The following MED19 variants were observed in gnomAD, a reference collection of about 807,000 sequenced individuals.
The protein encoded by MED19 is mediator of RNA polymerase II transcription subunit 19.
In MED19, 4 loss-of-function variants were observed where a neutral mutation model predicts 19.9. The observed-to-expected ratio is 0.20, with a 90% CI of 0.10 to 0.46. The LOEUF (loss-of-function observed/expected upper bound fraction) is 0.46. Among genes scored for constraint, MED19 ranks in the 20% least tolerant of loss-of-function variants. MED19 has a pLI of 0.99. For missense variants in MED19, 303 were observed against 318.7 expected (o/e 0.95, Z 0.38); for synonymous variants, 139 against 119.6 (o/e 1.16, Z -1.06).
intron 3 of MED19, 40 bp downstream of exon 3, chr11:57,704,679 T>C (rs370487152): frequency 1.3e-6 from 2 of 1,554,250 alleles, no homozygotes; most frequent in Admixed American, 4.1e-5. Context: ...GTTTTTTTTT[T>C]TTTTTTTTTT....
intron 1 of MED19, among the ~76,000 whole-genome samples, chr11:57,711,039 G>A (rs547445802): frequency 1.3e-5 from 2 of 152,228 alleles, no homozygotes; most frequent in South Asian, 4.1e-4. Context: ...ACCACTTTCT[G>A]ACATTATCTT....
chr11:57,710,259 G>A (rs1450746066), intron 1 of MED19, among the ~76,000 whole-genome samples: 4 of 152,196 alleles, frequency 2.6e-5, no homozygotes, highest in Admixed American at 2.0e-4. Context: ...CTACTTGGAA[G>A]GCTGAGGTGG....
chr11:57,704,692 T>TGG, intron 3 of MED19, 27 bp downstream of exon 3: 2 of 1,580,386 alleles, frequency 1.3e-6, no homozygotes, highest in Non-Finnish European at 1.7e-6. Flanking sequence ...TTTTTTTTTT[T>TGG]TTGCTTTGAA....
At position 57,712,194 on chromosome 11, in the gene MED19, C is replaced by T. The variant is rs542100072; in HGVS notation, c.-15G>A. ...AAATTCTCCATCGTACCCTCCGCCC[C>T]GGCGCTGTCTCCGTGTCTGCCGTTG... On this transcript the variant is annotated 5_prime_UTR_variant, in exon 1 of 5. Coordinates refer to ENST00000431606, the Ensembl canonical transcript of MED19. 1.6e-5 allele frequency: 24 copies of T among 1,508,810 alleles called. No homozygotes were observed. In the African/African-American group the frequency reaches 2.6e-4, roughly 16 times the overall value. The allele number at this position is 1,508,810 out of a possible 1,614,324, so 93.5% of individuals were successfully genotyped here.
chr11:57,707,082 C>T (rs1946517128), intron 1 of MED19, among the ~76,000 whole-genome samples: 1 of 151,606 alleles, frequency 6.6e-6, no homozygotes, highest in South Asian at 2.1e-4. Context: ...CCTGTAGTCA[C>T]AGCTACTTGG....
intron 1 of MED19, 138 bp from the exon 2 acceptor site, chr11:57,705,367 G>A (rs1471574191): frequency 2.8e-6 from 3 of 1,056,050 alleles, no homozygotes; most frequent in Admixed American, 2.9e-5. Flanking sequence ...AAGAAACAGA[G>A]CAGGCCGGAT....
chr11:57,709,504 C>G (rs1016882941), intron 1 of MED19, among the ~76,000 whole-genome samples: 4 of 152,136 alleles, frequency 2.6e-5, no homozygotes, highest in Non-Finnish European at 4.4e-5. Flanking sequence ...CCCAATTATT[C>G]AAGCCGAAAA....
intron 1 of MED19, among the ~76,000 whole-genome samples, chr11:57,709,418 A>G (rs1590881109): frequency 2.0e-5 from 3 of 151,866 alleles, no homozygotes; most frequent in East Asian, 1.9e-4. Flanking sequence ...GAGACCAAAC[A>G]TGTCCAAAAT....
At chr11:57,709,257 T>A (rs559654062) in intron 1 of MED19, among the ~76,000 whole-genome samples, 1 of 152,032 alleles carries the variant, frequency 6.6e-6, no homozygotes, top group East Asian at 1.9e-4. Context: ...GGCACATGCC[T>A]GTAATCCGAA....
At chr11:57,706,753 AAAC>A (rs1373484591) in intron 1 of MED19, among the ~76,000 whole-genome samples, 1 of 152,144 alleles carries the variant, frequency 6.6e-6, no homozygotes, top group Non-Finnish European at 1.5e-5. Context: ...AAACAAAACA[AAAC>A]AACAAAAACA....
intron 1 of MED19, among the ~76,000 whole-genome samples, chr11:57,711,544 G>C (rs1946606469): frequency 6.6e-6 from 1 of 152,206 alleles, no homozygotes; most frequent in East Asian, 1.9e-4. Context: ...TGTGGAGACA[G>C]GGTTTCATCA....
chr11:57,707,880 T>C (rs1946526202), intron 1 of MED19, among the ~76,000 whole-genome samples: 1 of 152,242 alleles, frequency 6.6e-6, no homozygotes, highest in African/African-American at 2.4e-5. Context: ...TCACCCAGGC[T>C]GGAGTGTAAT....
chr11:57,712,126 T>G, exon 1 of MED19: 1 of 1,529,562 alleles, frequency 6.5e-7, no homozygotes, highest in East Asian at 2.5e-5. Context: ...CGAGTGCGGT[T>G]GGGGGCGGTG....
chr11:57,705,632 C>T (rs1368761394), intron 1 of MED19, among the ~76,000 whole-genome samples: 6 of 128,268 alleles, frequency 4.7e-5, no homozygotes, highest in Admixed American at 8.6e-5. Flanking sequence ...CCAGCCTGGA[C>T]AACAGCGAGA....
intron 1 of MED19, among the ~76,000 whole-genome samples, chr11:57,705,525 G>A (rs1038832688): frequency 1.3e-5 from 2 of 152,018 alleles, no homozygotes; most frequent in South Asian, 2.1e-4. Flanking sequence ...GTGGTAGCAC[G>A]TGCCTGTAGT....
intron 1 of MED19, among the ~76,000 whole-genome samples, chr11:57,706,834 G>A (rs1946513933): frequency 1.3e-5 from 2 of 152,174 alleles, no homozygotes; most frequent in African/African-American, 2.4e-5. Context: ...CTTATCTGTG[G>A]AATGGAATAA....
At chr11:57,711,850 C>T (rs1470025320) in intron 1 of MED19, 113 bp downstream of exon 1, 10 of 1,193,678 alleles carry the variant, frequency 8.4e-6, no homozygotes, top group Non-Finnish European at 1.1e-5. Context: ...GCTCCACAGT[C>T]CGGGTATGCG....
intron 1 of MED19, among the ~76,000 whole-genome samples, chr11:57,707,216 GTAT>G (rs1197499546): frequency 2.0e-5 from 3 of 148,594 alleles, no homozygotes; most frequent in Admixed American, 6.7e-5. Context: ...AAAAAAAAAA[GTAT>G]TATATGTATG....
rs1276058301 is a variant in MED19, at chr11:57,712,134, G to T, written c.46C>A (p.Pro16Thr). The T allele has an allele frequency of 4.6e-6, 7 of 1,531,184 alleles. No individual in the cohort carries two copies. The East Asian group carries it at 1.3e-4, about 28-fold the overall frequency. 94.8% of individuals were successfully genotyped at this position (1,531,184 alleles called of 1,614,324 possible). A position where few individuals can be genotyped will look rare whatever the true frequency, so the allele number is the denominator to read the frequency against. Reference sequence around the variant, plus strand: ...CCGAAGCCGAGTGCGGTTGGGGGCGGTGGTGGGTCAGCCTGAGCCCCAAAC... The same window carrying T: ...CCGAAGCCGAGTGCGGTTGGGGGCGTTGGTGGGTCAGCCTGAGCCCCAAAC... The change falls in exon 1 of 5, where the codon CCG becomes ACG. Residue 16 changes from proline (P) to threonine (T), a missense_variant. By Grantham distance (38) the Pro-to-Thr change is conservative. Transcript: ENST00000431606.
Sources: gnomAD v4.1 joint callset for allele counts (sites outside exome capture counted in the v4.1 genomes callset) on GRCh38, gnomAD v4.1.1 for gene constraint, MANE v1.5 for transcripts, NCBI Gene and HGNC (gene_info 2026-07-23, HGNC 2026-07-21) for gene names.